Variants in FNDC3B observed in about 807,000 individuals in gnomAD.
FNDC3B encodes the protein fibronectin type III domain-containing protein 3B.
FNDC3B carries 12 observed loss-of-function variants against 151.5 expected under a neutral mutation model. That is an observed-to-expected ratio of 0.08 (90% CI 0.05 to 0.13). FNDC3B has a LOEUF of 0.13. Among genes scored for constraint, FNDC3B ranks in the 10% least tolerant of loss-of-function variants. The pLI is 1.00. For missense variants in FNDC3B, 1,214 were observed against 1,505.3 expected (o/e 0.81, Z 3.20); for synonymous variants, 528 against 549.0 (o/e 0.96, Z 0.54).
Position 172,112,976 on chromosome 3 carries a change from C to T in FNDC3B, c.111+386C>T, listed in dbSNP as rs562373153. ...ACACAGGAGTGATCTCGACAAGACACGTAGGGCAGTGTGAACCCACCCTTG... is the reference window on the plus strand; with the variant it reads ...ACACAGGAGTGATCTCGACAAGACATGTAGGGCAGTGTGAACCCACCCTTG... On this transcript the variant is annotated intron_variant, in intron 2 of 25. Coordinates refer to ENST00000415807, the MANE Select transcript of FNDC3B (RefSeq NM_022763.4). Among the ~76,000 whole-genome samples the T allele has an allele frequency of 7.9e-5, 12 of 152,270 alleles. No homozygotes were observed. The East Asian group carries it at 1.4e-3, about 17-fold the overall frequency.
intron 3 of FNDC3B, among the ~76,000 whole-genome samples, chr3:172,216,727 A>G (rs182615139): frequency 6.6e-6 from 1 of 152,220 alleles, no homozygotes; most frequent in Non-Finnish European, 1.5e-5. Flanking sequence ...GTTTATTTGT[A>G]GCCTAAGTAA....
intron 6 of FNDC3B, among the ~76,000 whole-genome samples, chr3:172,263,652 T>C (rs1167707551): frequency 7.0e-6 from 1 of 141,992 alleles, no homozygotes; most frequent in African/African-American, 2.6e-5. Flanking sequence ...ACTTACACTA[T>C]CATCCATGGG....
chr3:172,336,563 C>T (rs1373835022), intron 15 of FNDC3B, among the ~76,000 whole-genome samples: 1 of 152,148 alleles, frequency 6.6e-6, no homozygotes, highest in Non-Finnish European at 1.5e-5. Flanking sequence ...TTTATTTTGT[C>T]AATAAATTTT....
intron 3 of FNDC3B, among the ~76,000 whole-genome samples, chr3:172,186,509 C>T (rs751506722): frequency 3.3e-5 from 5 of 152,190 alleles, no homozygotes; most frequent in Non-Finnish European, 7.4e-5. Context: ...TGACAAACTA[C>T]ATAAACCTGA....
intron 1 of FNDC3B, among the ~76,000 whole-genome samples, chr3:172,059,337 C>G (rs1002438929): frequency 6.6e-6 from 1 of 151,944 alleles, no homozygotes; most frequent in Non-Finnish European, 1.5e-5. Flanking sequence ...ATACACCTTC[C>G]CAGTGGGTTT....
intron 3 of FNDC3B, among the ~76,000 whole-genome samples, chr3:172,211,892 C>T (rs1725749619): frequency 6.6e-6 from 1 of 152,112 alleles, no homozygotes; most frequent in Admixed American, 6.5e-5. Context: ...AAGAGAATTC[C>T]AATTCTTTGA....
Position 172,400,480 on chromosome 3 carries a change from T to C in FNDC3B, c.*3005T>C, listed in dbSNP as rs929799510. The C allele has an allele frequency of 2.6e-5, 4 of 152,652 alleles. No homozygotes were observed. Among genetic ancestry groups the C allele is most frequent in the African/African-American group, 9.6e-5 (4 of 41,464 alleles). The allele number at this position is 152,652 out of a possible 1,614,324, so 9.5% of individuals were successfully genotyped here. The stretch of plus-strand genomic sequence containing the variant: ...AAAGATAAAATGTTTTACCTCACTG[T>C]TGGACATACATTCCAAGCTTTTCAA... On this transcript the variant is annotated 3_prime_UTR_variant, in exon 26 of 26. Coordinates refer to ENST00000415807, the MANE Select transcript of FNDC3B (RefSeq NM_022763.4).
Position 172,401,633 on chromosome 3 carries a change from C to T in FNDC3B, c.*4158C>T, listed in dbSNP as rs2108408789. On this transcript the variant is annotated 3_prime_UTR_variant, in exon 26 of 26. Coordinates refer to ENST00000415807, the MANE Select transcript of FNDC3B (RefSeq NM_022763.4). ...TGCAGGTCTCATTCAACAACAACAACAACAACAGCAATAAAACACAGTGTT... is the reference window on the plus strand; with the variant it reads ...TGCAGGTCTCATTCAACAACAACAATAACAACAGCAATAAAACACAGTGTT... 1 of 152,316 alleles carries T rather than the reference C, an allele frequency of 6.6e-6. No homozygotes were observed. Among genetic ancestry groups the T allele is most frequent in the Middle Eastern group, 3.4e-3 (1 of 294 alleles). 9.4% of individuals were successfully genotyped at this position (152,316 alleles called of 1,614,324 possible).
chr3:172,112,892 C>T (rs1720047049), intron 2 of FNDC3B, among the ~76,000 whole-genome samples: 1 of 152,154 alleles, frequency 6.6e-6, no homozygotes, highest in Non-Finnish European at 1.5e-5. Context: ...CTGTATTGTG[C>T]TTGACTAGTT....
chr3:172,257,823 T>G (rs1158164910), intron 6 of FNDC3B, among the ~76,000 whole-genome samples: 1 of 152,114 alleles, frequency 6.6e-6, no homozygotes, highest in Non-Finnish European at 1.5e-5. Flanking sequence ...GCTGTGTAGG[T>G]GGGGCCCACC....
intron 20 of FNDC3B, 77 bp downstream of exon 20, chr3:172,346,517 C>A: frequency 3.6e-6 from 3 of 838,022 alleles, no homozygotes; most frequent in African/African-American, 1.7e-5. Flanking sequence ...TATAAGGAAG[C>A]TGCAAATCCA....
chr3:172,332,520 G>C (rs1732733535), intron 13 of FNDC3B, among the ~76,000 whole-genome samples: 1 of 152,212 alleles, frequency 6.6e-6, no homozygotes, highest in South Asian at 2.1e-4. Context: ...TGAATCCTTA[G>C]AGCCTAGAGG....
intron 20 of FNDC3B, 99 bp downstream of exon 20, chr3:172,346,539 T>G (rs1330605804): frequency 1.6e-6 from 1 of 623,822 alleles, no homozygotes; most frequent in South Asian, 2.1e-5. Flanking sequence ...AATGCACATA[T>G]AGATGATTTT....
At chr3:172,138,101 A>G (rs986644174) in intron 3 of FNDC3B, among the ~76,000 whole-genome samples, 1 of 152,180 alleles carries the variant, frequency 6.6e-6, no homozygotes, top group Admixed American at 6.5e-5. Context: ...CTCCAGCCAA[A>G]ACAAACATCA....
intron 3 of FNDC3B, among the ~76,000 whole-genome samples, chr3:172,196,365 T>C (rs1414163479): frequency 2.0e-5 from 3 of 151,982 alleles, no homozygotes; most frequent in African/African-American, 7.2e-5. Context: ...ATTTTTTTTT[T>C]TGTAGGGATG....
intron 2 of FNDC3B, among the ~76,000 whole-genome samples, chr3:172,116,690 C>T (rs1203864369): frequency 5.3e-5 from 8 of 152,096 alleles, no homozygotes; most frequent in African/African-American, 1.2e-4. Flanking sequence ...CTCAGCCTTC[C>T]GAGTAGCTGG....
chr3:172,232,026 G>A (rs868305572), intron 4 of FNDC3B, among the ~76,000 whole-genome samples: 7 of 151,860 alleles, frequency 4.6e-5, no homozygotes, highest in South Asian at 4.2e-4. Flanking sequence ...GATTACAGGC[G>A]CGCATCACCA....
chr3:172,394,548 G>A (rs918005660), intron 25 of FNDC3B, among the ~76,000 whole-genome samples: 1 of 152,134 alleles, frequency 6.6e-6, no homozygotes, highest in African/African-American at 2.4e-5. Context: ...CAAGACTGAA[G>A]AAATAGAAAA....
At chr3:172,245,796 A>T (rs534217791) in intron 4 of FNDC3B, among the ~76,000 whole-genome samples, 1 of 152,370 alleles carries the variant, frequency 6.6e-6, no homozygotes, top group South Asian at 2.1e-4. Flanking sequence ...ATTAAAGATC[A>T]CATGAAAAGC....
Sources: allele counts gnomAD v4.1 joint callset (sites outside exome capture counted in the v4.1 genomes callset), GRCh38; gene constraint gnomAD v4.1.1; transcripts MANE v1.5; gene names NCBI Gene and HGNC (gene_info 2026-07-23, HGNC 2026-07-21).